MACROD2: variants seen among roughly 807,000 people sequenced by gnomAD.
The protein encoded by MACROD2 is ADP-ribose glycohydrolase MACROD2.
Under a neutral mutation model 70.4 loss-of-function variants are expected in MACROD2, and 36 were observed. The ratio of observed to expected loss-of-function variants is 0.51; its 90% CI spans 0.39 to 0.68. MACROD2 has a LOEUF of 0.68. MACROD2 is among the 30% of genes least tolerant of loss of function. The pLI is 0.00. For synonymous variants in MACROD2, 172 were observed against 178.8 expected (o/e 0.96, Z 0.30); for missense variants, 496 against 538.4 (o/e 0.92, Z 0.78).
At chr20:14,795,708 G>A (rs565645537) in intron 5 of MACROD2, among the ~76,000 whole-genome samples, 18 of 152,076 alleles carry the variant, frequency 1.2e-4, no homozygotes, top group Non-Finnish European at 2.4e-4. Flanking sequence ...TTTTGTTTTC[G>A]TTTTTTTAAA....
intron 3 of MACROD2, among the ~76,000 whole-genome samples, chr20:14,277,395 A>T (rs928224393): frequency 1.2e-4 from 19 of 152,226 alleles, no homozygotes; most frequent in African/African-American, 4.1e-4. Flanking sequence ...GGTTGCAGTG[A>T]TCACGCCACT....
chr20:14,539,855 C>T (rs2085409812), intron 4 of MACROD2, among the ~76,000 whole-genome samples: 1 of 151,944 alleles, frequency 6.6e-6, no homozygotes, highest in Non-Finnish European at 1.5e-5. Context: ...TATTTTTTTC[C>T]ACTGGTTAGT....
chr20:14,366,080 A>T (rs1187242814), intron 3 of MACROD2, among the ~76,000 whole-genome samples: 1 of 152,072 alleles, frequency 6.6e-6, no homozygotes, highest in Non-Finnish European at 1.5e-5. Flanking sequence ...TCTGCTGTTG[A>T]TGGTGGAGTG....
intron 5 of MACROD2, among the ~76,000 whole-genome samples, chr20:14,804,244 T>C (rs2072612496): frequency 6.6e-6 from 1 of 152,128 alleles, no homozygotes. Flanking sequence ...TGGCTGTTTT[T>C]ATTTTTCTGT....
rs548652284 is a variant in MACROD2, at chr20:15,340,204, T to C, written c.541-91201T>C. Among the ~76,000 whole-genome samples the C allele has an allele frequency of 2.8e-3, 391 of 141,640 alleles. 3 individuals are homozygous for C. Among genetic ancestry groups the C allele is most frequent in the Non-Finnish European group, 4.0e-3 (265 of 65,896 alleles). The allele number at this position is 141,640 out of a possible 152,430, so 92.9% of individuals were successfully genotyped here. A position where few individuals can be genotyped will look rare whatever the true frequency, so the allele number is the denominator to read the frequency against. ...CCCAGGCTGGAGTGCAGTGGCATGA[T>C]CTCGGCTCACTGCAACCTCTGCCTC... On this transcript the variant is annotated intron_variant, in intron 6 of 17. Coordinates refer to ENST00000684519, the MANE Select transcript of MACROD2 (RefSeq NM_001351661.2).
At chr20:15,165,354 G>T (rs767745037) in intron 5 of MACROD2, among the ~76,000 whole-genome samples, 2 of 152,192 alleles carry the variant, frequency 1.3e-5, no homozygotes, top group Non-Finnish European at 2.9e-5. Context: ...TACTTGGGCA[G>T]CTGAGGCAGG....
At chr20:15,483,184 T>C (rs1251068151) in intron 7 of MACROD2, among the ~76,000 whole-genome samples, 2 of 152,354 alleles carry the variant, frequency 1.3e-5, no homozygotes, top group East Asian at 3.9e-4. Context: ...AGGAGTTTTA[T>C]AGTTCCTTGT....
chr20:15,847,128 TTTTACAG>T (rs1476167915), intron 8 of MACROD2, among the ~76,000 whole-genome samples: 2 of 152,150 alleles, frequency 1.3e-5, no homozygotes, highest in African/African-American at 4.8e-5. Flanking sequence ...TCCAAATATT[TTTTACAG>T]CTGTTCACAG....
At chr20:15,769,423 A>G (rs944709859) in intron 8 of MACROD2, among the ~76,000 whole-genome samples, 1 of 152,270 alleles carries the variant, frequency 6.6e-6, no homozygotes, top group Non-Finnish European at 1.5e-5. Flanking sequence ...CTGGGATTAC[A>G]GGTGTGAGCC....
chr20:14,209,738 A>G (rs1157185553), intron 3 of MACROD2, among the ~76,000 whole-genome samples: 1 of 152,160 alleles, frequency 6.6e-6, no homozygotes, highest in South Asian at 2.1e-4. Flanking sequence ...AGGAATGAGC[A>G]TGGGGGGTTT....
intron 9 of MACROD2, among the ~76,000 whole-genome samples, chr20:15,883,497 A>G (rs1049389520): frequency 1.3e-5 from 2 of 152,114 alleles, no homozygotes; most frequent in Non-Finnish European, 2.9e-5. Context: ...TGGTAAAAAA[A>G]TTACTTCTTT....
intron 8 of MACROD2, among the ~76,000 whole-genome samples, chr20:15,524,089 G>A (rs924864205): frequency 5.9e-5 from 9 of 152,126 alleles, no homozygotes; most frequent in Non-Finnish European, 1.3e-4. Flanking sequence ...GCACATTCAT[G>A]TTTGCTTTTG....
intron 5 of MACROD2, among the ~76,000 whole-genome samples, chr20:14,856,705 T>A (rs573196038): frequency 1.3e-5 from 2 of 152,144 alleles, no homozygotes; most frequent in African/African-American, 4.8e-5. Context: ...AAGCCCAAGA[T>A]ACTGTGTTCT....
At chr20:14,801,792 A>C (rs2122142081) in intron 5 of MACROD2, among the ~76,000 whole-genome samples, 1 of 152,206 alleles carries the variant, frequency 6.6e-6, no homozygotes, top group South Asian at 2.1e-4. Flanking sequence ...TCTATGAAAA[A>C]GGAAAGTGAA....
rs186511494 is a variant in MACROD2 at position 15,255,681 on chromosome 20, G to A, written c.540+25620G>A. ...AGTAATAAGCAAGCTCTTTCAGTTG[G>A]GTCACAGTTATATTTTACAAGAGCA... On this transcript the variant is annotated intron_variant, in intron 6 of 17. Transcript: ENST00000684519. Among the ~76,000 whole-genome samples, 68 of 152,218 alleles carry A rather than the reference G, an allele frequency of 4.5e-4. 1 individual carries two copies. The highest frequency in any genetic ancestry group is 2.8e-3 in the Admixed American group (42 of 15,266).
At chr20:15,816,720 C>A (rs2063879891) in intron 8 of MACROD2, among the ~76,000 whole-genome samples, 1 of 152,196 alleles carries the variant, frequency 6.6e-6, no homozygotes, top group Non-Finnish European at 1.5e-5. Flanking sequence ...ACTTCATTAG[C>A]TCCAGTCTGT....
At chr20:15,690,266 G>T (rs2050282632) in intron 8 of MACROD2, among the ~76,000 whole-genome samples, 1 of 152,268 alleles carries the variant, frequency 6.6e-6, no homozygotes. Context: ...TTTGTAGGTA[G>T]CATAGACAGT....
intron 8 of MACROD2, among the ~76,000 whole-genome samples, chr20:15,739,395 G>A (rs1415915884): frequency 2.0e-5 from 3 of 152,272 alleles, no homozygotes; most frequent in African/African-American, 7.2e-5. Context: ...TACCCAGAGA[G>A]AACACATTCT....
intron 5 of MACROD2, among the ~76,000 whole-genome samples, chr20:14,719,473 G>GA (rs11087105): frequency 3.5e-4 from 48 of 136,336 alleles, no homozygotes; most frequent in South Asian, 1.4e-3. Context: ...AAGATAGAAA[G>GA]AAAAAAAAAA....
Sources: allele counts gnomAD v4.1 joint callset (sites outside exome capture counted in the v4.1 genomes callset), GRCh38; gene constraint gnomAD v4.1.1; transcripts MANE v1.5; gene names NCBI Gene and HGNC (gene_info 2026-07-23, HGNC 2026-07-21).